The following CMSS1 variants were observed in gnomAD, a reference collection of about 807,000 sequenced individuals.
CMSS1 encodes cms1 ribosomal small subunit homolog, also known as protein CMSS1.
CMSS1 carries 33 observed loss-of-function variants against 43.5 expected under a neutral mutation model. That is an observed-to-expected ratio of 0.76 (90% confidence interval 0.57 to 1.01). The LOEUF is 1.01. Ranked by LOEUF, CMSS1 falls within the 50% of genes least tolerant of loss-of-function variation. The pLI is 0.00. For synonymous variants in CMSS1, 115 were observed against 117.2 expected, an observed-to-expected ratio of 0.98 and a Z score of 0.12; for missense variants, 313 against 326.4, an observed-to-expected ratio of 0.96 and a Z score of 0.32.
chr3:100,014,900 T>TTTTTTTTTTTTTTTTTTTTTTC (rs1710291609), intron 1 of CMSS1, among the ~76,000 whole-genome samples: 1 of 141,540 alleles, frequency 7.1e-6, no homozygotes, highest in Non-Finnish European at 1.5e-5. Flanking sequence ...TCTTTCTTTT[T>TTTTTTTTTTTTTTTTTTTTTTC]TTTTTTTTTT....
intron 1 of CMSS1, among the ~76,000 whole-genome samples, chr3:100,060,512 A>G (rs1464726284): frequency 6.6e-6 from 1 of 152,116 alleles, no homozygotes; most frequent in Non-Finnish European, 1.5e-5. Flanking sequence ...AAAAAAATAC[A>G]TAAAAATGCT....
chr3:99,965,515 G>T (rs1343041935), intron 1 of CMSS1, among the ~76,000 whole-genome samples: 1 of 152,080 alleles, frequency 6.6e-6, no homozygotes, highest in East Asian at 1.9e-4. Context: ...ATTTCTTCCA[G>T]ATACTTTTCT....
intron 1 of CMSS1, among the ~76,000 whole-genome samples, chr3:99,826,842 A>G (rs988098063): frequency 1.3e-5 from 2 of 152,232 alleles, no homozygotes; most frequent in Non-Finnish European, 2.9e-5. Flanking sequence ...GCTTAAAAGT[A>G]TCAGGTTTTT....
At chr3:100,008,657 CTA>C (rs1710057043) in intron 1 of CMSS1, among the ~76,000 whole-genome samples, 1 of 152,182 alleles carries the variant, frequency 6.6e-6, no homozygotes, top group African/African-American at 2.4e-5. Flanking sequence ...AATTATAAGT[CTA>C]TTGCACAGCA....
chr3:99,960,437 G>C (rs1201365061), intron 1 of CMSS1, among the ~76,000 whole-genome samples: 1 of 152,168 alleles, frequency 6.6e-6, no homozygotes, highest in Non-Finnish European at 1.5e-5. Flanking sequence ...CCAAGTGTTT[G>C]TCCCTACCCA....
At position 100,113,874 on chromosome 3, in the gene CMSS1, C is replaced by G. The variant is rs368800125; in HGVS notation, c.65-33099C>G. ...TAGTTCCTCTATTTTGCAAGCAACT[C>G]TTAGTCATTTTAGCCTAAAAGTCAT... is the stretch of plus-strand genomic sequence containing the variant. On this transcript the variant is annotated intron_variant, in intron 1 of 9. Transcript: ENST00000421999. 7.2e-5 allele frequency among the ~76,000 whole-genome samples: 11 copies of G among 152,296 alleles called. No individual in the cohort carries two copies. In the East Asian group the frequency reaches 1.9e-3, roughly 27 times the overall value.
intron 1 of CMSS1, among the ~76,000 whole-genome samples, chr3:99,881,393 C>T (rs1465060229): frequency 6.6e-6 from 1 of 152,076 alleles, no homozygotes; most frequent in East Asian, 1.9e-4. Flanking sequence ...GAAAAAAAAC[C>T]CCCAAATCAC....
chr3:100,072,835 GAAATAATCCTCTCCTTCCCCCAT>G (rs2065785258), intron 1 of CMSS1, among the ~76,000 whole-genome samples: 1 of 152,098 alleles, frequency 6.6e-6, no homozygotes, highest in Non-Finnish European at 1.5e-5. Flanking sequence ...TTCAATACAA[GAAATAATCCTCTCCTTCCCCCAT>G]AAACTACCTA....
intron 1 of CMSS1, among the ~76,000 whole-genome samples, chr3:100,053,849 T>G (rs1300746925): frequency 6.6e-6 from 1 of 152,216 alleles, no homozygotes; most frequent in Non-Finnish European, 1.5e-5. Flanking sequence ...TTTATAAAAC[T>G]GCCCCCTGGG....
intron 1 of CMSS1, among the ~76,000 whole-genome samples, chr3:99,967,529 T>A (rs1006744915): frequency 3.3e-5 from 5 of 152,160 alleles, no homozygotes; most frequent in African/African-American, 1.2e-4. Flanking sequence ...CCCTCCTGGC[T>A]CCTTGTTTTG....
intron 1 of CMSS1, among the ~76,000 whole-genome samples, chr3:99,901,732 A>T (rs1488272879): frequency 1.3e-5 from 2 of 152,160 alleles, no homozygotes; most frequent in East Asian, 1.9e-4. Flanking sequence ...TCTGGACGGG[A>T]TGTAAGTAAT....
rs1267409862 is a variant in CMSS1, at chr3:100,180,769, T to A, written c.*2381T>A. The A allele has an allele frequency of 1.3e-5, 2 of 152,252 alleles. No homozygotes were observed. The highest frequency in any genetic ancestry group is 4.8e-5 in the African/African-American group (2 of 41,466). 9.4% of individuals were successfully genotyped at this position (152,252 alleles called of 1,614,324 possible). A position where few individuals can be genotyped will look rare whatever the true frequency, so the allele number is the denominator to read the frequency against. ...TCTCCCCGTTACCCAGTTTCAAAGT[T>A]GCTTCCACATTTTTTAGGTATCTTT... On this transcript the variant is annotated 3_prime_UTR_variant, in exon 10 of 10. Transcript: ENST00000421999.
chr3:99,937,824 G>C (rs1281860314), intron 1 of CMSS1, among the ~76,000 whole-genome samples: 1 of 152,194 alleles, frequency 6.6e-6, no homozygotes, highest in Non-Finnish European at 1.5e-5. Flanking sequence ...TGAAGTAGCT[G>C]TGTATAGACC....
At chr3:100,068,685 T>A (rs1175160965) in intron 1 of CMSS1, among the ~76,000 whole-genome samples, 2 of 152,196 alleles carry the variant, frequency 1.3e-5, no homozygotes, top group Non-Finnish European at 2.9e-5. Flanking sequence ...TGGAGTGCAG[T>A]TGCACGATCT....
chr3:100,033,456 T>G (rs548775354), intron 1 of CMSS1, among the ~76,000 whole-genome samples: 2 of 152,318 alleles, frequency 1.3e-5, no homozygotes, highest in Admixed American at 1.3e-4. Flanking sequence ...GTTATCTTCT[T>G]GAAGGTCTTG....
intron 1 of CMSS1, among the ~76,000 whole-genome samples, chr3:100,073,138 A>G (rs1209357998): frequency 6.6e-6 from 1 of 152,244 alleles, no homozygotes. Context: ...ATATTATAGA[A>G]CAGGGGAGAA....
chr3:99,973,235 T>C (rs1480760756), intron 1 of CMSS1, among the ~76,000 whole-genome samples: 1 of 152,212 alleles, frequency 6.6e-6, no homozygotes, highest in Non-Finnish European at 1.5e-5. Context: ...AATAAAAATT[T>C]TTTTTCTCTT....
chr3:99,929,921 T>C, intron 1 of CMSS1: 3 of 1,614,058 alleles, frequency 1.9e-6, no homozygotes, highest in Non-Finnish European at 2.5e-6. Flanking sequence ...AAAGCATCTC[T>C]CTGGAGAGCC....
chr3:100,092,432 T>G (rs1226041040), intron 1 of CMSS1, among the ~76,000 whole-genome samples: 2 of 152,034 alleles, frequency 1.3e-5, no homozygotes, highest in Non-Finnish European at 2.9e-5. Flanking sequence ...TGGCTTTTTT[T>G]TAACATGGAA....
Sources: gnomAD v4.1 joint callset for allele counts (sites outside exome capture counted in the v4.1 genomes callset) on GRCh38, gnomAD v4.1.1 for gene constraint, MANE v1.5 for transcripts, NCBI Gene and HGNC (gene_info 2026-07-23, HGNC 2026-07-21) for gene names.